Variants in NEK10 observed in about 807,000 individuals in gnomAD.
NEK10 encodes the protein NIMA related kinase 10, also known as serine/threonine-protein kinase Nek10.
NEK10 carries 122 observed loss-of-function variants against 159.8 expected under a neutral mutation model. That is an observed-to-expected ratio of 0.76 (90% CI 0.66 to 0.89). The LOEUF (loss-of-function observed/expected upper bound fraction) is 0.89, where lower values mean the gene tolerates loss of function less well. NEK10 is among the 40% of genes least tolerant of loss of function. The pLI, the probability that NEK10 is intolerant of heterozygous loss-of-function variation, is 0.00. For synonymous variants in NEK10, 466 were observed against 457.1 expected (o/e 1.02, Z -0.25); for missense variants, 1,342 against 1,323.1 (o/e 1.01, Z -0.22).
At chr3:27,117,227 T>C (rs182272193) in intron 33 of NEK10, among the ~76,000 whole-genome samples, 477 of 152,338 alleles carry the variant, frequency 3.1e-3, no homozygotes, top group African/African-American at 0.01. Flanking sequence ...CAGTCTATCA[T>C]TGATGGGCAT....
intron 13 of NEK10, among the ~76,000 whole-genome samples, chr3:27,298,865 A>G (rs1440622422): frequency 6.6e-6 from 1 of 152,198 alleles, no homozygotes; most frequent in South Asian, 2.1e-4. Flanking sequence ...GAAATGATTT[A>G]GGGTACCTGG....
chr3:27,289,127 C>T (rs182496111), intron 19 of NEK10, among the ~76,000 whole-genome samples: 2 of 152,292 alleles, frequency 1.3e-5, no homozygotes, highest in African/African-American at 4.8e-5. Context: ...GAAGACAGTG[C>T]ACTAGAAGGT....
At chr3:27,262,492 T>G (rs2149356670) in intron 22 of NEK10, among the ~76,000 whole-genome samples, 1 of 152,366 alleles carries the variant, frequency 6.6e-6, no homozygotes, top group East Asian at 1.9e-4. Context: ...ATTTGGTCTT[T>G]TCATATAGTC....
chr3:27,295,873 G>A (rs148587547), intron 14 of NEK10, among the ~76,000 whole-genome samples, 183 bp from the exon 15 acceptor site: 34 of 152,218 alleles, frequency 2.2e-4, no homozygotes, highest in African/African-American at 7.5e-4. Flanking sequence ...AAACACCAAA[G>A]AGTACAACTA....
chr3:27,356,748 C>T (rs896715406), intron 1 of NEK10, among the ~76,000 whole-genome samples: 2 of 152,148 alleles, frequency 1.3e-5, no homozygotes, highest in Non-Finnish European at 2.9e-5. Context: ...GTGACATATT[C>T]ACCCCCACAC....
At chr3:27,330,359 AAG>A (rs1489211736) in intron 5 of NEK10, among the ~76,000 whole-genome samples, 2 of 152,216 alleles carry the variant, frequency 1.3e-5, no homozygotes, top group East Asian at 1.9e-4. Flanking sequence ...CTTTGAGTAA[AAG>A]AGAGAAAAAA....
At chr3:27,240,654 CTTTT>C (rs5847451) in intron 23 of NEK10, among the ~76,000 whole-genome samples, 1 of 141,474 alleles carries the variant, frequency 7.1e-6, no homozygotes. Flanking sequence ...ACTATCTCAT[CTTTT>C]TTTTTTTTTT....
At chr3:27,262,432 A>C (rs1002476756) in intron 22 of NEK10, among the ~76,000 whole-genome samples, 4 of 152,202 alleles carry the variant, frequency 2.6e-5, no homozygotes, top group African/African-American at 9.7e-5. Context: ...AGTGTTTTCC[A>C]ACTTGGTTCC....
intron 30 of NEK10, among the ~76,000 whole-genome samples, chr3:27,149,445 C>A (rs1220597952): frequency 5.9e-5 from 9 of 152,134 alleles, no homozygotes; most frequent in Non-Finnish European, 1.3e-4. Flanking sequence ...TAGTAGCATG[C>A]ATTTACTTCA....
chr3:27,172,741 G>A lies in NEK10; in HGVS notation c.2777-868C>T, dbSNP rs534212423. On this transcript the variant is annotated intron_variant, in intron 28 of 35. Coordinates refer to ENST00000691995, the MANE Select transcript of NEK10 (RefSeq NM_001394966.1). ...AAAATATCACAAGTATCCATAAATA[G>A]GTACAAATATATTATATATCAGAAA... Among the ~76,000 whole-genome samples, 5 of 151,904 alleles carry A rather than the reference G, an allele frequency of 3.3e-5. No individual in the cohort carries two copies. In the South Asian group the frequency reaches 1.0e-3, roughly 32 times the overall value.
At chr3:27,325,338 C>T (rs925624109) in intron 5 of NEK10, among the ~76,000 whole-genome samples, 4 of 152,198 alleles carry the variant, frequency 2.6e-5, no homozygotes, top group Admixed American at 2.0e-4. Context: ...ATTTCTCCCA[C>T]ATCTCCCACC....
chr3:27,291,735 C>T lies in NEK10; in HGVS notation c.1374-149G>A, dbSNP rs192360601. The T allele has an allele frequency of 2.9e-4, 172 of 588,666 alleles. No homozygotes were observed. In the African/African-American group the frequency reaches 3.0e-3, roughly 10 times the overall value. The allele number at this position is 588,666 out of a possible 1,614,324, so 36.5% of individuals were successfully genotyped here. A position where few individuals can be genotyped will look rare whatever the true frequency, so the allele number is the denominator to read the frequency against. On this transcript the variant is annotated intron_variant, in intron 16 of 35. Transcript: ENST00000691995. ...TCAGCTCACTGCAAGCTCTGCCTCC[C>T]ACGTTCACGCCATTCTCCTGCCTCA...
chr3:27,232,026 A>G (rs981994202), intron 23 of NEK10, among the ~76,000 whole-genome samples: 1 of 152,018 alleles, frequency 6.6e-6, no homozygotes, highest in Non-Finnish European at 1.5e-5. Context: ...AGGAAAGGAC[A>G]TAACAAAAAA....
intron 23 of NEK10, chr3:27,215,934 G>C: frequency 1.6e-6 from 1 of 608,740 alleles, no homozygotes; most frequent in Non-Finnish European, 3.0e-6. Context: ...AGCACCAAGG[G>C]AGAAATTCGC....
intron 22 of NEK10, among the ~76,000 whole-genome samples, chr3:27,260,286 C>G (rs543115802): frequency 7.0e-4 from 107 of 152,230 alleles, no homozygotes; most frequent in African/African-American, 2.5e-3. Flanking sequence ...GAGGGCGTCC[C>G]TGTCTTGTGC....
In NEK10 at chr3:27,108,639, T is replaced by C. The variant is rs913215709; in HGVS notation, c.*2633A>G. Among the ~76,000 whole-genome samples the C allele has an allele frequency of 1.3e-5, 2 of 152,152 alleles. No homozygotes were observed. Among genetic ancestry groups the C allele is most frequent in the African/African-American group, 4.8e-5 (2 of 41,448 alleles). The stretch of plus-strand genomic sequence containing the variant: ...TTGCACAACAAATCATTAAAAATTA[T>C]ACAAGAGAAAGGGAAAAAATATATA... On this transcript the variant is annotated 3_prime_UTR_variant, in exon 36 of 36. Transcript: ENST00000691995.
intron 5 of NEK10, among the ~76,000 whole-genome samples, chr3:27,343,872 C>A (rs770636628): frequency 6.6e-5 from 10 of 152,200 alleles, no homozygotes; most frequent in Non-Finnish European, 1.3e-4. Context: ...ACACACTCAT[C>A]CTTTCTTTCC....
chr3:27,256,590 G>C (rs1204948293), intron 22 of NEK10, among the ~76,000 whole-genome samples: 1 of 152,242 alleles, frequency 6.6e-6, no homozygotes, highest in African/African-American at 2.4e-5. Flanking sequence ...TATTGAAACT[G>C]TGATTCCATT....
Position 27,155,508 on chromosome 3 carries a change from T to TAAATAAAATAAAATAAAATA in NEK10, c.2869+7173_2869+7192dup, listed in dbSNP as rs60254232. 2.9e-4 allele frequency among the ~76,000 whole-genome samples: 39 copies of TAAATAAAATAAAATAAAATA among 134,332 alleles called. 1 individual carries two copies. Among genetic ancestry groups the TAAATAAAATAAAATAAAATA allele is most frequent in the African/African-American group, 7.8e-4 (28 of 36,078 alleles). The allele number at this position is 134,332 out of a possible 152,430, so 88.1% of individuals were successfully genotyped here. Reference sequence around the variant, plus strand: ...AGAGTGAGACTCCATCTCAAAAAAATAAATAAAATAAAATAAAATAAAATA... The same window carrying TAAATAAAATAAAATAAAATA: ...AGAGTGAGACTCCATCTCAAAAAAATAAATAAAATAAAATAAAATAAAATAAAATAAAATAAAATAAAATA... On this transcript the variant is annotated intron_variant, in intron 30 of 35. Transcript: ENST00000691995.
Sources: allele counts gnomAD v4.1 joint callset (sites outside exome capture counted in the v4.1 genomes callset), GRCh38; gene constraint gnomAD v4.1.1; transcripts MANE v1.5; gene names NCBI Gene and HGNC (gene_info 2026-07-23, HGNC 2026-07-21).